The following STK11 variants were observed in gnomAD, a reference collection of about 807,000 sequenced individuals.
STK11 encodes the protein serine/threonine kinase 11.
In STK11, 8 loss-of-function variants were observed where a neutral mutation model predicts 47.3. The ratio of observed to expected loss-of-function variants is 0.17; its 90% confidence interval spans 0.10 to 0.31. STK11 has a LOEUF of 0.31. STK11 is among the 10% of genes least tolerant of loss of function. The probability of loss-of-function intolerance (pLI) is 1.00; values close to 1 mark genes in which losing one functional copy is unlikely to be tolerated. For missense variants in STK11, 475 were observed against 605.0 expected (o/e 0.79, Z 2.25); for synonymous variants, 330 against 255.8 (o/e 1.29, Z -2.77).
chr19:1,225,273 T>A (rs1845785469), intron 8 of STK11: 1 of 984,892 alleles, frequency 1.0e-6, no homozygotes, highest in South Asian at 4.7e-5. Flanking sequence ...AGGTCTTTTT[T>A]ATCTTTTTTT....
At position 1,222,508 on chromosome 19, in the gene STK11, G is replaced by T. The variant is rs190960389; in HGVS notation, c.921-477G>T. On this transcript the variant is annotated intron_variant, in intron 7 of 9. Coordinates refer to ENST00000326873, the MANE Select transcript of STK11 (RefSeq NM_000455.5). Reference sequence around the variant, plus strand: ...GAGCCGTCTGCTGGAGCCCCTCCGAGCCCCGAGGCCACCCACTGAGACCGG... The same window carrying T: ...GAGCCGTCTGCTGGAGCCCCTCCGATCCCCGAGGCCACCCACTGAGACCGG... Among the ~76,000 whole-genome samples the T allele has an allele frequency of 4.2e-4, 64 of 152,326 alleles. No homozygotes were observed. The East Asian group carries it at 9.6e-3, about 23-fold the overall frequency.
At chr19:1,225,731 C>T (rs1396912156) in intron 8 of STK11, 17 of 985,542 alleles carry the variant, frequency 1.7e-5, no homozygotes, top group Admixed American at 6.1e-5. Flanking sequence ...ACTGACTTCG[C>T]CCGGGAGGGG....
At chr19:1,210,925 G>A (rs2080705727) in intron 1 of STK11, among the ~76,000 whole-genome samples, 1 of 152,144 alleles carries the variant, frequency 6.6e-6, no homozygotes, top group Non-Finnish European at 1.5e-5. Flanking sequence ...CACTTTGGGA[G>A]GCCGAGGCGG....
rs79175212 is a variant in STK11 at position 1,207,009 on chromosome 19, C to G, written c.96C>G (p.Thr32=). ...MDTFIHRIDS[T]EVIYQPRRKR... is the part of the protein sequence containing the mutation. ...CGTTCATCCACCGCATCGACTCCAC[C>G]GAGGTCATCTACCAGCCGCGCCGCA... Residue 32 remains threonine (T), a synonymous_variant, in exon 1 of 10, where the codon ACC becomes ACG. Transcript: ENST00000326873. 364 of 1,613,658 alleles carry G rather than the reference C, an allele frequency of 2.3e-4. 2 individuals carry two copies. In the East Asian group the frequency reaches 7.5e-3, roughly 33 times the overall value.
chr19:1,227,388 A>G, intron 9 of STK11: 1 of 357,940 alleles, frequency 2.8e-6, no homozygotes, highest in Non-Finnish European at 4.2e-6. Context: ...CACCAGCGTC[A>G]GAGCCCGCCA....
At position 1,226,806 on chromosome 19, in the gene STK11, G is replaced by A. The variant is rs2080826737; in HGVS notation, c.*16+143G>A. The A allele has an allele frequency of 8.6e-6, 9 of 1,046,258 alleles. No individual in the cohort carries two copies. The East Asian group carries it at 2.3e-4, about 27-fold the overall frequency. 64.8% of individuals were successfully genotyped at this position (1,046,258 alleles called of 1,614,324 possible). ...TGCCATGTGGCCTTTGGGTGGCTTG[G>A]CCACGTAGCGATCCCCGTGGAGGGT... On this transcript the variant is annotated intron_variant, in intron 9 of 9. Coordinates refer to ENST00000326873, the MANE Select transcript of STK11 (RefSeq NM_000455.5).
In STK11 at chr19:1,206,191, G is replaced by T. The variant is rs886054204; in HGVS notation, c.-723G>T. 1.8e-5 allele frequency: 3 copies of T among 163,778 alleles called. No individual in the cohort carries two copies. The highest frequency in any genetic ancestry group is 4.0e-5 in the Non-Finnish European group (3 of 75,592). The allele number at this position is 163,778 out of a possible 1,614,324, so 10.1% of individuals were successfully genotyped here. On this transcript the variant is annotated 5_prime_UTR_variant, in exon 1 of 10. Transcript: ENST00000326873. ...TGGGGGTCGCGGGCCGGCTCGGGGG[G>T]CGCCCAGTGCGGGCCCTCGCGGGCG...
chr19:1,221,379 C>T (rs369142557), intron 6 of STK11, 39 bp downstream of exon 6: 44 of 1,565,850 alleles, frequency 2.8e-5, no homozygotes, highest in South Asian at 1.0e-4. Flanking sequence ...CCCAGGGAGG[C>T]GGGGCTTTTG....
intron 1 of STK11, among the ~76,000 whole-genome samples, chr19:1,215,421 G>A (rs2080738777): frequency 6.6e-6 from 1 of 152,218 alleles, no homozygotes; most frequent in Non-Finnish European, 1.5e-5. Flanking sequence ...ACAGCCAGGG[G>A]CCGGAACCAG....
rs587782138 is a variant in STK11 at position 1,226,528 on chromosome 19, A to G, written c.1183A>G (p.Thr395Ala). The G allele has an allele frequency of 1.9e-6, 3 of 1,608,630 alleles. No homozygotes were observed. Among genetic ancestry groups the G allele is most frequent in the Admixed American group, 1.7e-5 (1 of 59,548 alleles). Reference sequence around the variant, plus strand: ...CCCCAAGGCCGTGTGTATGAACGGCACAGAGGCGGCGCAGCTGAGCACCAA... The same window carrying G: ...CCCCAAGGCCGTGTGTATGAACGGCGCAGAGGCGGCGCAGCTGAGCACCAA... Reference protein sequence around the residue: ...GLPKAVCMNGTEAAQLSTKSR... With the variant: ...GLPKAVCMNGAEAAQLSTKSR... Residue 395 changes from threonine (T) to alanine (A), a missense_variant, in exon 9 of 10, where the codon ACA becomes GCA. This residue lies in a region of STK11 where 219 missense variants were observed against 189.2 expected (regional missense o/e 1.16). Coordinates refer to ENST00000326873, the MANE Select transcript of STK11 (RefSeq NM_000455.5).
chr19:1,221,096 A>G (rs2080780311), intron 5 of STK11, 117 bp from the exon 6 acceptor site: 1 of 1,442,172 alleles, frequency 6.9e-7, no homozygotes. Context: ...CCTTGAGTCC[A>G]CAGGGCCTCT....
intron 2 of STK11, 63 bp from the exon 3 acceptor site, chr19:1,219,261 C>G (rs977331055): frequency 6.5e-7 from 1 of 1,537,434 alleles, no homozygotes; most frequent in African/African-American, 1.4e-5. Flanking sequence ...CTTTTCTGGC[C>G]CCCGTGCTCC....
In STK11 at chr19:1,208,784, A is replaced by ACT. The variant is rs373985561; in HGVS notation, c.290+1581_290+1582insCT. ...AGGTGCCTGCCACAGTGCCCAGCTA[A>ACT]TTTTTTTTTTTTTTTTTTAGTAGAG... On this transcript the variant is annotated intron_variant, in intron 1 of 9. Transcript: ENST00000326873. Among the ~76,000 whole-genome samples, 5 of 121,774 alleles carry ACT rather than the reference A, an allele frequency of 4.1e-5. No homozygotes were observed. The East Asian group carries it at 1.2e-3, about 30-fold the overall frequency. 79.9% of individuals were successfully genotyped at this position (121,774 alleles called of 152,430 possible). A position where few individuals can be genotyped will look rare whatever the true frequency, so the allele number is the denominator to read the frequency against.
intron 1 of STK11, among the ~76,000 whole-genome samples, chr19:1,211,754 A>T (rs955997352): frequency 7.9e-5 from 12 of 152,056 alleles, no homozygotes; most frequent in African/African-American, 2.9e-4. Flanking sequence ...TCCCATCCGC[A>T]CCGCCCCCGC....
intron 1 of STK11, among the ~76,000 whole-genome samples, chr19:1,212,552 G>T (rs913639267): frequency 6.6e-6 from 1 of 151,132 alleles, no homozygotes; most frequent in Admixed American, 6.6e-5. Context: ...GCTTCGCCAC[G>T]TTCACCTTTA....
rs996446634 is a variant in STK11, at chr19:1,227,791, G to C, written c.*215G>C. On this transcript the variant is annotated 3_prime_UTR_variant, in exon 10 of 10. Transcript: ENST00000326873. ...CCCCCTCGGCCGCCCGGCAGTGCACGCGGCTTGTTGACTTCGCAGCCCCGG... is the reference window on the plus strand; with the variant it reads ...CCCCCTCGGCCGCCCGGCAGTGCACCCGGCTTGTTGACTTCGCAGCCCCGG... 1 of 1,074,578 alleles carries C rather than the reference G, an allele frequency of 9.3e-7. No homozygotes were observed. Among genetic ancestry groups the C allele is most frequent in the Non-Finnish European group, 1.1e-6 (1 of 884,978 alleles). The allele number at this position is 1,074,578 out of a possible 1,614,324, so 66.6% of individuals were successfully genotyped here.
At chr19:1,226,929 A>G (rs1360027853) in intron 9 of STK11, 3 of 472,514 alleles carry the variant, frequency 6.3e-6, no homozygotes, top group Non-Finnish European at 7.4e-6. Context: ...GCCACCTCTC[A>G]GAGTGGGTGC....
intron 1 of STK11, among the ~76,000 whole-genome samples, chr19:1,212,198 G>C (rs1298318665): frequency 6.6e-6 from 1 of 150,766 alleles, no homozygotes; most frequent in Non-Finnish European, 1.5e-5. Flanking sequence ...CGGGGAATCA[G>C]TGAGGCGGCT....
intron 9 of STK11, chr19:1,227,175 C>T (rs1266649960): frequency 6.3e-6 from 1 of 159,752 alleles, no homozygotes; most frequent in Non-Finnish European, 1.4e-5. Context: ...GTGTGCCTGC[C>T]TCCTCTCCCA....
Sources: allele counts gnomAD v4.1 joint callset (sites outside exome capture counted in the v4.1 genomes callset), GRCh38; gene constraint gnomAD v4.1.1; regional missense constraint gnomAD v4.1.1; transcripts MANE v1.5; gene names NCBI Gene and HGNC (gene_info 2026-07-23, HGNC 2026-07-21).